The following ADGRL2 variants were observed in gnomAD, a reference collection of about 807,000 sequenced individuals.
ADGRL2 encodes the protein adhesion G protein-coupled receptor L2.
In ADGRL2, 44 loss-of-function variants were observed where a neutral mutation model predicts 157.4. The observed-to-expected ratio is 0.28, with a 90% CI of 0.22 to 0.36. The LOEUF (loss-of-function observed/expected upper bound fraction) is 0.36. ADGRL2 is among the 10% of genes least tolerant of loss of function. The pLI is 1.00. For missense variants in ADGRL2, 1,510 were observed against 1,768.9 expected (o/e 0.85, Z 2.63); for synonymous variants, 585 against 624.7 (o/e 0.94, Z 0.95).
At chr1:81,419,663 G>A (rs2077092141) in intron 1 of ADGRL2, among the ~76,000 whole-genome samples, 2 of 152,170 alleles carry the variant, frequency 1.3e-5, no homozygotes, top group South Asian at 2.1e-4. Flanking sequence ...GATGCATAGA[G>A]GTAAATACGC....
At chr1:81,845,941 T>C (rs1275844384) in intron 2 of ADGRL2, among the ~76,000 whole-genome samples, 1 of 152,008 alleles carries the variant, frequency 6.6e-6, no homozygotes, top group Non-Finnish European at 1.5e-5. Flanking sequence ...CATTATTTTA[T>C]GCTTAAAAAT....
chr1:81,677,215 C>T (rs2083014428), intron 3 of ADGRL2, among the ~76,000 whole-genome samples: 1 of 151,484 alleles, frequency 6.6e-6, no homozygotes, highest in African/African-American at 2.4e-5. Flanking sequence ...AAACCCCTGA[C>T]CTCAGGTGAT....
At chr1:81,669,597 G>T (rs2082825139) in intron 3 of ADGRL2, among the ~76,000 whole-genome samples, 1 of 152,118 alleles carries the variant, frequency 6.6e-6, no homozygotes, top group South Asian at 2.1e-4. Flanking sequence ...TATTTAATGA[G>T]ATTAGATGGG....
intron 1 of ADGRL2, among the ~76,000 whole-genome samples, chr1:81,825,335 C>A (rs2091371914): frequency 6.6e-6 from 1 of 151,948 alleles, no homozygotes; most frequent in Admixed American, 6.5e-5. Flanking sequence ...GCACTCTTAG[C>A]TGAGCAGCAG....
chr1:81,552,605 G>GAAAAAAAAAAAAAAAAAAAAA (rs35795177), intron 2 of ADGRL2, among the ~76,000 whole-genome samples: 6 of 103,972 alleles, frequency 5.8e-5, no homozygotes, highest in Non-Finnish European at 9.6e-5. Context: ...ACTTTACTTA[G>GAAAAAAAAAAAAAAAAAAAAA]AAAAAAAAAA....
intron 1 of ADGRL2, among the ~76,000 whole-genome samples, chr1:81,817,014 G>A (rs1371414302): frequency 6.7e-6 from 1 of 149,330 alleles, no homozygotes; most frequent in Non-Finnish European, 1.5e-5. Flanking sequence ...CTTTTTACAT[G>A]CATGTACTTT....
intron 2 of ADGRL2, among the ~76,000 whole-genome samples, chr1:81,555,161 C>T (rs2080242163): frequency 6.6e-6 from 1 of 151,738 alleles, no homozygotes; most frequent in Non-Finnish European, 1.5e-5. Flanking sequence ...AAGCATTTGT[C>T]CTGGGTAAAG....
chr1:81,337,557 T>A (rs1163058747), intron 1 of ADGRL2, among the ~76,000 whole-genome samples: 1 of 152,186 alleles, frequency 6.6e-6, no homozygotes, highest in Admixed American at 6.5e-5. Flanking sequence ...TTATGAGAGC[T>A]CTCAGAGAAA....
intron 2 of ADGRL2, among the ~76,000 whole-genome samples, chr1:81,462,309 G>C (rs951183515): frequency 6.6e-6 from 1 of 152,210 alleles, no homozygotes; most frequent in Admixed American, 6.5e-5. Flanking sequence ...CTGCTCTGCT[G>C]CCCTTCTATG....
intron 1 of ADGRL2, among the ~76,000 whole-genome samples, chr1:81,308,908 T>A (rs183932723): frequency 4.6e-4 from 70 of 152,310 alleles, no homozygotes; most frequent in Non-Finnish European, 8.4e-4. Flanking sequence ...AGTTACATTT[T>A]ACTCCATTTT....
intron 3 of ADGRL2, among the ~76,000 whole-genome samples, chr1:81,693,230 T>C (rs1485490315): frequency 6.6e-6 from 1 of 152,116 alleles, no homozygotes; most frequent in African/African-American, 2.4e-5. Context: ...CTGTTCCTTG[T>C]GCTTTTCATC....
intron 2 of ADGRL2, among the ~76,000 whole-genome samples, chr1:81,486,659 T>G (rs1022078233): frequency 6.6e-6 from 1 of 152,148 alleles, no homozygotes; most frequent in Non-Finnish European, 1.5e-5. Flanking sequence ...GATTCTGAAT[T>G]TGTCCCTTGC....
chr1:81,722,129 A>G (rs1311030107), intron 1 of ADGRL2: 7 of 359,910 alleles, frequency 1.9e-5, no homozygotes, highest in Non-Finnish European at 3.7e-5. Context: ...CGTCTCTACT[A>G]AAAAATATAA....
intron 3 of ADGRL2, among the ~76,000 whole-genome samples, chr1:81,626,314 A>AT (rs1186027937): frequency 1.3e-5 from 2 of 151,840 alleles, no homozygotes; most frequent in East Asian, 1.9e-4. Context: ...ATCCCTTTTT[A>AT]TTTTTTTTGA....
chr1:81,856,893 T>C (rs2093222296), intron 2 of ADGRL2, among the ~76,000 whole-genome samples: 1 of 152,172 alleles, frequency 6.6e-6, no homozygotes, highest in South Asian at 2.1e-4. Flanking sequence ...ATAATAAACA[T>C]GTTTAATCAT....
intron 2 of ADGRL2, among the ~76,000 whole-genome samples, chr1:81,506,896 A>G (rs963759510): frequency 1.6e-4 from 25 of 152,182 alleles, no homozygotes; most frequent in Non-Finnish European, 3.5e-4. Flanking sequence ...ACATTCATCT[A>G]CATAACAAAT....
upstream of ADGRL2, among the ~76,000 whole-genome samples, chr1:81,796,359 T>C (rs1327108426): frequency 1.3e-5 from 2 of 152,190 alleles, no homozygotes; most frequent in African/African-American, 4.8e-5. Flanking sequence ...TGGACAAAAT[T>C]ACTAGAAGTT....
chr1:81,424,242 C>T (rs1008879155), intron 1 of ADGRL2, among the ~76,000 whole-genome samples: 6 of 152,124 alleles, frequency 3.9e-5, no homozygotes, highest in African/African-American at 1.2e-4. Context: ...AGTGTTTTCC[C>T]GACAGCTGTA....
chr1:81,714,154 T>C (rs1458773493), intron 1 of ADGRL2, among the ~76,000 whole-genome samples: 2 of 152,002 alleles, frequency 1.3e-5, no homozygotes, highest in Admixed American at 1.3e-4. Context: ...CCATGACATG[T>C]GGGGATTATG....
Sources: allele counts gnomAD v4.1 joint callset (sites outside exome capture counted in the v4.1 genomes callset), GRCh38; gene constraint gnomAD v4.1.1; transcripts MANE v1.5; gene names NCBI Gene and HGNC (gene_info 2026-07-23, HGNC 2026-07-21).